FBXO33: variants seen among roughly 807,000 people sequenced by gnomAD.
FBXO33 encodes the protein F-box only protein 33.
A neutral mutation model predicts 46.3 loss-of-function variants in FBXO33; 22 were observed. The ratio of observed to expected loss-of-function variants is 0.48; its 90% CI spans 0.34 to 0.68. The LOEUF (loss-of-function observed/expected upper bound fraction) is 0.68. Ranked by LOEUF, FBXO33 falls within the 30% of genes least tolerant of loss-of-function variation. The probability of loss-of-function intolerance (pLI) is 0.01; values close to 1 mark genes in which losing one functional copy is unlikely to be tolerated. For synonymous variants in FBXO33, 337 were observed against 291.3 expected (o/e 1.16, Z -1.60); for missense variants, 692 against 708.8 (o/e 0.98, Z 0.27).
At chr14:39,413,418 G>C (rs756736900) in intron 1 of FBXO33, among the ~76,000 whole-genome samples, 1 of 152,126 alleles carries the variant, frequency 6.6e-6, no homozygotes, top group Non-Finnish European at 1.5e-5. Flanking sequence ...CTGAAGTCTT[G>C]AACTCCTCAA....
At chr14:39,425,551 T>C (rs2075508809) in intron 1 of FBXO33, among the ~76,000 whole-genome samples, 1 of 152,236 alleles carries the variant, frequency 6.6e-6, no homozygotes, top group African/African-American at 2.4e-5. Flanking sequence ...TCCACCATCA[T>C]TGCATGAAAT....
chr14:39,401,917 A>G (rs1291194944), intron 2 of FBXO33, 56 bp from the exon 3 acceptor site: 3 of 1,387,122 alleles, frequency 2.2e-6, no homozygotes, highest in Non-Finnish European at 3.0e-6. Flanking sequence ...CTAATCTTTT[A>G]ACACTGACTT....
chr14:39,409,562 T>A (rs2075413425), intron 1 of FBXO33, among the ~76,000 whole-genome samples: 2 of 152,168 alleles, frequency 1.3e-5, no homozygotes, highest in Non-Finnish European at 2.9e-5. Context: ...CTATTCAGGG[T>A]CTTATGTTGT....
Position 39,402,408 on chromosome 14 carries a change from T to C in FBXO33, c.703A>G (p.Ile235Val), listed in dbSNP as rs1039173727. The C allele has an allele frequency of 1.3e-6, 2 of 1,549,176 alleles. No individual in the cohort carries two copies. Among genetic ancestry groups the C allele is most frequent in the Non-Finnish European group, 1.8e-6 (2 of 1,142,782 alleles). Reference sequence around the variant, plus strand: ...ATTAACCATATAACTTACTGTTTAATTTTTTTGCCATCAGGGTCCACCTTG... The same window carrying C: ...ATTAACCATATAACTTACTGTTTAACTTTTTTGCCATCAGGGTCCACCTTG... ...LSKVDPDGKK[I>V]KQIQQLFEEI... The change falls in exon 2 of 4, where the codon ATT (isoleucine) becomes GTT (valine). Residue 235 changes from isoleucine to valine, a missense_variant. Physicochemically the swap from Ile to Val is conservative, Grantham distance 29. Around this residue, in one of 3 missense-constraint regions of FBXO33, gnomAD observed 412 missense variants for 370.8 expected, o/e 1.11. Coordinates refer to ENST00000298097, the MANE Select transcript of FBXO33 (RefSeq NM_203301.4).
In FBXO33 at chr14:39,401,472, C is replaced by A. The variant is rs756335602; in HGVS notation, c.1100G>T (p.Ser367Ile). The change falls in exon 3 of 4, where the codon AGC becomes ATC. Residue 367 changes from serine (S) to isoleucine (I), a missense_variant. Ser to Ile is a moderately radical substitution (Grantham distance 142). Coordinates refer to ENST00000298097, the MANE Select transcript of FBXO33 (RefSeq NM_203301.4). Reference protein sequence around the residue: ...DEHWKALSRKSTSFRVYIMAF... With the variant: ...DEHWKALSRKITSFRVYIMAF... ...CATTATATAGACCCGAAAGCTGGTG[C>A]TCTTTCGTGACAGGGCTTTCCAATG... 5.6e-6 allele frequency: 9 copies of A among 1,614,032 alleles called. No homozygotes were observed. In the South Asian group the frequency reaches 7.7e-5, roughly 14 times the overall value.
At chr14:39,414,637 G>A (rs115210410) in intron 1 of FBXO33, among the ~76,000 whole-genome samples, 4,221 of 152,164 alleles carry the variant, frequency 0.028, 180 homozygotes, top group African/African-American at 0.095. Context: ...AGAGGTCACC[G>A]TAGAGTTATT....
chr14:39,428,316 C>T (rs1363642326), intron 1 of FBXO33, among the ~76,000 whole-genome samples: 2 of 152,132 alleles, frequency 1.3e-5, no homozygotes, highest in Non-Finnish European at 2.9e-5. Flanking sequence ...AGCGATTCTA[C>T]TGCCTCAGCC....
Position 39,431,555 on chromosome 14 carries a change from C to A in FBXO33, c.599+9G>T, listed in dbSNP as rs1305289002. 2 of 1,610,360 alleles carry A rather than the reference C, an allele frequency of 1.2e-6. No homozygotes were observed. Among genetic ancestry groups the A allele is most frequent in the Non-Finnish European group, 1.7e-6 (2 of 1,179,982 alleles). ...TTACCGGGCGGGGCGGGGCTCAGGG[C>A]AAGCCTACCTGTTGTTCCGGATGCT... On this transcript the variant is annotated intron_variant, in intron 1 of 3. Coordinates refer to ENST00000298097, the MANE Select transcript of FBXO33 (RefSeq NM_203301.4).
chr14:39,424,328 A>G lies in FBXO33; in HGVS notation c.599+7236T>C, dbSNP rs115987453. The stretch of plus-strand genomic sequence containing the variant: ...ACTGCTTTATATTTCTTCGTAGCAT[A>G]TATTACCAACTGAGATACTGTAATT... On this transcript the variant is annotated intron_variant, in intron 1 of 3. Coordinates refer to ENST00000298097, the MANE Select transcript of FBXO33 (RefSeq NM_203301.4). 7.6e-3 allele frequency among the ~76,000 whole-genome samples: 1,151 copies of G among 152,300 alleles called. 12 individuals carry two copies. Among genetic ancestry groups the G allele is most frequent in the African/African-American group, 0.026 (1,077 of 41,554 alleles).
rs1025244105 is a variant in FBXO33, at chr14:39,398,349, G to A, written c.*1167C>T. ...AACAAGGTTTTAAAACATACTTCAT[G>A]GAATGTTCTTCATGTATCATAGCAG... On this transcript the variant is annotated 3_prime_UTR_variant, in exon 4 of 4. Transcript: ENST00000298097. The A allele has an allele frequency of 1.3e-5, 2 of 152,422 alleles. No individual in the cohort carries two copies. Among genetic ancestry groups the A allele is most frequent in the African/African-American group, 4.8e-5 (2 of 41,374 alleles). The allele number at this position is 152,422 out of a possible 1,614,324, so 9.4% of individuals were successfully genotyped here.
chr14:39,401,929 T>C, intron 2 of FBXO33, 68 bp from the exon 3 acceptor site: 11 of 1,286,384 alleles, frequency 8.6e-6, no homozygotes, highest in Non-Finnish European at 1.2e-5. Context: ...CACTGACTTT[T>C]GAAAATAGGC....
rs915225648 is a variant in FBXO33, at chr14:39,432,214, G to A, written c.-52C>T. Reference sequence around the variant, plus strand: ...CCGTCGTGGGTCTCGGCGGAACCAAGTAGAACACAAGTTGTGGAGAGGGGG... The same window carrying A: ...CCGTCGTGGGTCTCGGCGGAACCAAATAGAACACAAGTTGTGGAGAGGGGG... On this transcript the variant is annotated 5_prime_UTR_variant, in exon 1 of 4. Coordinates refer to ENST00000298097, the MANE Select transcript of FBXO33 (RefSeq NM_203301.4). 43 of 1,185,626 alleles carry A rather than the reference G, an allele frequency of 3.6e-5. No homozygotes were observed. Among genetic ancestry groups the A allele is most frequent in the Non-Finnish European group, 4.3e-5 (41 of 955,718 alleles). 73.4% of individuals were successfully genotyped at this position (1,185,626 alleles called of 1,614,324 possible).
At chr14:39,426,507 T>G (rs1261560308) in intron 1 of FBXO33, among the ~76,000 whole-genome samples, 1 of 152,232 alleles carries the variant, frequency 6.6e-6, no homozygotes, top group Non-Finnish European at 1.5e-5. Flanking sequence ...CCTTAAAATT[T>G]TTTTCAGTGA....
chr14:39,413,890 T>C (rs566368714), intron 1 of FBXO33, among the ~76,000 whole-genome samples: 12 of 152,370 alleles, frequency 7.9e-5, no homozygotes, highest in African/African-American at 2.4e-4. Flanking sequence ...GTTCCACTTA[T>C]GGAGCACAGG....
At chr14:39,413,706 AAAC>A (rs2139410538) in intron 1 of FBXO33, among the ~76,000 whole-genome samples, 1 of 152,348 alleles carries the variant, frequency 6.6e-6, no homozygotes, top group South Asian at 2.1e-4. Flanking sequence ...GCAAGCATGA[AAAC>A]AACATGAATC....
At chr14:39,410,508 G>A (rs777183444) in intron 1 of FBXO33, among the ~76,000 whole-genome samples, 7 of 152,150 alleles carry the variant, frequency 4.6e-5, no homozygotes, top group Non-Finnish European at 8.8e-5. Context: ...TCCTTGTCTG[G>A]CTTTGGTATC....
At chr14:39,418,488 A>AAG (rs2075461013) in intron 1 of FBXO33, among the ~76,000 whole-genome samples, 1 of 151,406 alleles carries the variant, frequency 6.6e-6, no homozygotes. Context: ...AAAATTAACA[A>AAG]ACTGCAGCTG....
At chr14:39,427,178 CT>C (rs901294058) in intron 1 of FBXO33, among the ~76,000 whole-genome samples, 4 of 152,234 alleles carry the variant, frequency 2.6e-5, no homozygotes, top group African/African-American at 2.4e-5. Context: ...AAAATTTTAA[CT>C]TTTTTTTCCT....
chr14:39,410,069 AT>A (rs2075415741), intron 1 of FBXO33, among the ~76,000 whole-genome samples: 2 of 152,170 alleles, frequency 1.3e-5, no homozygotes, highest in Non-Finnish European at 2.9e-5. Context: ...ACTTTGTTGA[AT>A]AGAAGTGGCA....
Sources: gnomAD v4.1 joint callset for allele counts (sites outside exome capture counted in the v4.1 genomes callset) on GRCh38, gnomAD v4.1.1 for gene constraint, gnomAD v4.1.1 regional missense constraint, MANE v1.5 for transcripts, NCBI Gene and HGNC (gene_info 2026-07-23, HGNC 2026-07-21) for gene names.